Variants in PCDHA6 observed in about 807,000 individuals in gnomAD.
The protein encoded by PCDHA6 is protocadherin alpha-6.
PCDHA6 carries 55 observed loss-of-function variants against 60.3 expected under a neutral mutation model. That is an observed-to-expected ratio of 0.91 (90% CI 0.73 to 1.14). The LOEUF is 1.14. Ranked by LOEUF, PCDHA6 falls within the 50% of genes most tolerant of loss-of-function variation. The pLI, the probability that PCDHA6 is intolerant of heterozygous loss-of-function variation, is 0.00. For synonymous variants in PCDHA6, 652 were observed against 557.9 expected (o/e 1.17, Z -2.38); for missense variants, 1,327 against 1,256.5 (o/e 1.06, Z -0.85).
chr5:141,010,408 A>G lies in PCDHA6; in HGVS notation c.*471A>G. 1 of 1,251,364 alleles carries G rather than the reference A, an allele frequency of 8.0e-7. No homozygotes were observed. Among genetic ancestry groups the G allele is most frequent in the Non-Finnish European group, 1.1e-6 (1 of 926,828 alleles). 77.5% of individuals were successfully genotyped at this position (1,251,364 alleles called of 1,614,324 possible). ...GGCTGAGACGAGCCAGCTTAGACTA[A>G]TTGGTACAAGGAAGGCAAGAAAACA... On this transcript the variant is annotated 3_prime_UTR_variant, in exon 4 of 4. Transcript: ENST00000529310.
intron 1 of PCDHA6, chr5:140,883,514 G>A: frequency 6.2e-7 from 1 of 1,614,220 alleles, no homozygotes; most frequent in Non-Finnish European, 8.5e-7. Context: ...CCTGGACCGC[G>A]AGAGCGTATC....
At chr5:140,840,778 A>T (rs1277652633) in intron 1 of PCDHA6, among the ~76,000 whole-genome samples, 2 of 152,094 alleles carry the variant, frequency 1.3e-5, no homozygotes, top group Non-Finnish European at 2.9e-5. Context: ...GAAAAGTTAG[A>T]ATTATATGCT....
intron 1 of PCDHA6, chr5:140,929,180 G>C (rs782260576): frequency 2.7e-5 from 44 of 1,614,150 alleles, no homozygotes; most frequent in Non-Finnish European, 3.7e-5. Flanking sequence ...CTGGGACTTG[G>C]TTCTGATAAT....
At chr5:140,867,469 T>C (rs895909736) in intron 1 of PCDHA6, 2 of 152,068 alleles carry the variant, frequency 1.3e-5, no homozygotes, top group Non-Finnish European at 2.9e-5. Context: ...TATGACAACA[T>C]TGGGAAAAGA....
At chr5:140,831,068 A>G (rs1322669648) in intron 1 of PCDHA6, 1 of 152,158 alleles carries the variant, frequency 6.6e-6, no homozygotes, top group Non-Finnish European at 1.5e-5. Flanking sequence ...CCCCTTTTAA[A>G]CCATTGAGGA....
intron 1 of PCDHA6, among the ~76,000 whole-genome samples, chr5:140,922,833 T>C (rs1443634582): frequency 6.6e-6 from 1 of 152,332 alleles, no homozygotes; most frequent in Admixed American, 6.5e-5. Flanking sequence ...TGCTAATAGA[T>C]GTCCTCAAAG....
chr5:141,004,423 C>T (rs2098165944), intron 3 of PCDHA6, among the ~76,000 whole-genome samples: 1 of 152,202 alleles, frequency 6.6e-6, no homozygotes, highest in Non-Finnish European at 1.5e-5. Context: ...TCTCTGCCTC[C>T]TGGAGTTTAG....
intron 1 of PCDHA6, chr5:140,867,094 A>T (rs1289520469): frequency 6.6e-6 from 1 of 152,180 alleles, no homozygotes; most frequent in Admixed American, 6.5e-5. Flanking sequence ...GTTGGAAATT[A>T]ACACCTAAAT....
chr5:140,850,267 T>C, intron 1 of PCDHA6: 1 of 1,592,602 alleles, frequency 6.3e-7, no homozygotes, highest in Non-Finnish European at 8.6e-7. Flanking sequence ...GGCGTAGTGG[T>C]GGGGAAGGTG....
At chr5:140,877,376 G>C in intron 1 of PCDHA6, 1 of 1,614,014 alleles carries the variant, frequency 6.2e-7, no homozygotes, top group South Asian at 1.1e-5. Flanking sequence ...AGCACGACAC[G>C]CATCCTGGAT....
intron 1 of PCDHA6, among the ~76,000 whole-genome samples, chr5:140,957,038 C>A (rs534661886): frequency 2.0e-5 from 3 of 151,928 alleles, no homozygotes; most frequent in African/African-American, 7.3e-5. Context: ...TTATGGGAGT[C>A]ATATAAAATA....
At chr5:140,990,862 AT>A (rs2097420167) in intron 3 of PCDHA6, among the ~76,000 whole-genome samples, 1 of 152,198 alleles carries the variant, frequency 6.6e-6, no homozygotes, top group Non-Finnish European at 1.5e-5. Flanking sequence ...AGGACATTGT[AT>A]TTTAAGTGTA....
At chr5:140,850,233 A>G in intron 1 of PCDHA6, 1 of 1,593,908 alleles carries the variant, frequency 6.3e-7, no homozygotes, top group Non-Finnish European at 8.6e-7. Context: ...AGTGAGCGAG[A>G]TGGTGCTGCG....
chr5:140,968,330 G>A (rs1314697989), intron 1 of PCDHA6: 2 of 1,613,974 alleles, frequency 1.2e-6, no homozygotes, highest in East Asian at 2.2e-5. Context: ...CACCTCCTAT[G>A]TCTCCATTAA....
At chr5:140,912,648 A>G (rs1161381718) in intron 1 of PCDHA6, among the ~76,000 whole-genome samples, 1 of 152,164 alleles carries the variant, frequency 6.6e-6, no homozygotes, top group African/African-American at 2.4e-5. Flanking sequence ...TATGTTGAAT[A>G]GAAGTGGTGA....
At chr5:140,836,431 C>G (rs2150260872) in intron 1 of PCDHA6, 14 of 1,613,820 alleles carry the variant, frequency 8.7e-6, no homozygotes, top group Admixed American at 1.7e-5. Flanking sequence ...TCGCGGGCAT[C>G]GTTGGGCATT....
intron 1 of PCDHA6, among the ~76,000 whole-genome samples, chr5:140,893,847 C>T (rs962788536): frequency 6.6e-6 from 1 of 152,134 alleles, no homozygotes; most frequent in African/African-American, 2.4e-5. Flanking sequence ...TGATGCCCTA[C>T]CTCTTGTATA....
In PCDHA6 at chr5:140,923,298, C is replaced by T. The variant is rs1039610789; in HGVS notation, c.2395-55651C>T. ...TACAAAAAATTAAAAATTAGCTGGG[C>T]GTGGGGGCGCTTGGCCTAGAAGTTC... On this transcript the variant is annotated intron_variant, in intron 1 of 3. Transcript: ENST00000529310. Among the ~76,000 whole-genome samples, 28 of 152,160 alleles carry T rather than the reference C, an allele frequency of 1.8e-4. 1 individual carries two copies. The highest frequency in any genetic ancestry group is 4.8e-4 in the African/African-American group (20 of 41,504).
chr5:140,928,251 C>T (rs267600404), intron 1 of PCDHA6: 5 of 1,614,204 alleles, frequency 3.1e-6, no homozygotes, highest in Non-Finnish European at 3.4e-6. Flanking sequence ...AGGAACTTTT[C>T]GTTGCTGAAA....
Sources: gnomAD v4.1 joint callset for allele counts (sites outside exome capture counted in the v4.1 genomes callset) on GRCh38, gnomAD v4.1.1 for gene constraint, MANE v1.5 for transcripts, NCBI Gene and HGNC (gene_info 2026-07-23, HGNC 2026-07-21) for gene names.